The following SHROOM3 variants were observed in gnomAD, a reference collection of about 807,000 sequenced individuals.
The protein encoded by SHROOM3 is shroom family member 3, also known as protein Shroom3.
A neutral mutation model predicts 138.6 loss-of-function variants in SHROOM3; 47 were observed. The ratio of observed to expected loss-of-function variants is 0.34; its 90% CI spans 0.27 to 0.43. The LOEUF (loss-of-function observed/expected upper bound fraction) is 0.43, where lower values mean the gene tolerates loss of function less well. Ranked by LOEUF, SHROOM3 falls within the 20% of genes least tolerant of loss-of-function variation. The probability of loss-of-function intolerance (pLI) is 1.00; values close to 1 mark genes in which losing one functional copy is unlikely to be tolerated. For synonymous variants in SHROOM3, 1,062 were observed against 1,063.3 expected (o/e 1.00, Z 0.02); for missense variants, 2,491 against 2,596.5 (o/e 0.96, Z 0.88).
chr4:76,566,476 A>C (rs545572105), intron 2 of SHROOM3, among the ~76,000 whole-genome samples: 11 of 152,222 alleles, frequency 7.2e-5, no homozygotes, highest in Non-Finnish European at 8.8e-5. Context: ...TAAATCCCCC[A>C]TTTCTTGAGA....
At chr4:76,579,446 C>T (rs1734004570) in intron 2 of SHROOM3, among the ~76,000 whole-genome samples, 2 of 152,316 alleles carry the variant, frequency 1.3e-5, no homozygotes, top group Middle Eastern at 3.4e-3. Flanking sequence ...CCAGCCTGGG[C>T]AACAGAGTGA....
intron 1 of SHROOM3, among the ~76,000 whole-genome samples, chr4:76,442,679 G>T (rs1730720016): frequency 6.6e-6 from 1 of 152,018 alleles, no homozygotes; most frequent in Non-Finnish European, 1.5e-5. Context: ...AAAGTGCTGG[G>T]ATTACAGGCG....
In SHROOM3 at chr4:76,573,381, C is replaced by CAATAAT. The variant is rs6148528; in HGVS notation, c.323+17661_323+17666dup. ...TTACAAACCCACTTCTGCTGGTTGG[C>CAATAAT]AATAATAATAATAATAATAATAATA... On this transcript the variant is annotated intron_variant, in intron 2 of 10. Coordinates refer to ENST00000296043, the MANE Select transcript of SHROOM3 (RefSeq NM_020859.4). Among the ~76,000 whole-genome samples the CAATAAT allele has an allele frequency of 6.4e-4, 90 of 141,044 alleles. 1 individual carries two copies. The highest frequency in any genetic ancestry group is 3.7e-3 in the Middle Eastern group (1 of 272). 92.5% of individuals were successfully genotyped at this position (141,044 alleles called of 152,430 possible).
intron 8 of SHROOM3, chr4:76,758,265 G>C (rs1395135225): frequency 6.6e-6 from 1 of 152,170 alleles, no homozygotes; most frequent in Non-Finnish European, 1.5e-5. Flanking sequence ...GATTTTTGTA[G>C]GTGTGCCAGT....
chr4:76,483,972 T>G (rs972751075), intron 1 of SHROOM3, among the ~76,000 whole-genome samples: 3 of 151,408 alleles, frequency 2.0e-5, no homozygotes, highest in Non-Finnish European at 2.9e-5. Context: ...GAGGGGAATA[T>G]TACTTACTGG....
intron 2 of SHROOM3, among the ~76,000 whole-genome samples, chr4:76,686,577 T>C (rs1262348733): frequency 6.6e-6 from 1 of 152,196 alleles, no homozygotes; most frequent in Non-Finnish European, 1.5e-5. Flanking sequence ...ATCTGAAATT[T>C]CTAGAGCTTT....
intron 1 of SHROOM3, among the ~76,000 whole-genome samples, chr4:76,478,044 G>C (rs1372610221): frequency 6.6e-6 from 1 of 152,114 alleles, no homozygotes; most frequent in Non-Finnish European, 1.5e-5. Context: ...CACAAAACTG[G>C]GCGGTTGTTT....
At chr4:76,522,151 C>CTT (rs35818041) in intron 1 of SHROOM3, among the ~76,000 whole-genome samples, 1 of 140,498 alleles carries the variant, frequency 7.1e-6, no homozygotes, top group African/African-American at 2.6e-5. Context: ...CTGATTGGAT[C>CTT]TTTTTTTTTT....
chr4:76,484,733 A>G (rs1731693320), intron 1 of SHROOM3, among the ~76,000 whole-genome samples: 3 of 152,190 alleles, frequency 2.0e-5, no homozygotes, highest in Admixed American at 2.0e-4. Flanking sequence ...TTGGAGTCTC[A>G]ACATCTATTA....
chr4:76,758,860 C>A (rs761610750), intron 8 of SHROOM3, among the ~76,000 whole-genome samples: 5 of 152,142 alleles, frequency 3.3e-5, no homozygotes, highest in African/African-American at 4.8e-5. Context: ...GAATTATAGG[C>A]TGAAAGGCAA....
chr4:76,567,160 T>TG (rs751934061), intron 2 of SHROOM3, among the ~76,000 whole-genome samples: 4 of 152,224 alleles, frequency 2.6e-5, no homozygotes, highest in Non-Finnish European at 5.9e-5. Context: ...GACAGTTGCT[T>TG]GGTTAGTGTG....
At chr4:76,473,251 A>G (rs1731416906) in intron 1 of SHROOM3, among the ~76,000 whole-genome samples, 1 of 152,234 alleles carries the variant, frequency 6.6e-6, no homozygotes, top group South Asian at 2.1e-4. Context: ...GCAAGAAAAT[A>G]TTTGTAAATT....
chr4:76,745,289 T>C (rs1721399685), intron 5 of SHROOM3, among the ~76,000 whole-genome samples: 1 of 152,318 alleles, frequency 6.6e-6, no homozygotes, highest in Admixed American at 6.5e-5. Flanking sequence ...GTTCATTGCA[T>C]AGATTTAAAA....
intron 1 of SHROOM3, among the ~76,000 whole-genome samples, chr4:76,541,455 G>A (rs1733095444): frequency 6.6e-6 from 1 of 152,212 alleles, no homozygotes. Flanking sequence ...CTGGGGGCCA[G>A]CTAGCCTTGG....
At chr4:76,666,597 A>AT (rs1355674291) in intron 2 of SHROOM3, among the ~76,000 whole-genome samples, 1 of 152,136 alleles carries the variant, frequency 6.6e-6, no homozygotes, top group Non-Finnish European at 1.5e-5. Context: ...TCTTTATAAC[A>AT]TTTTTTTAAA....
intron 1 of SHROOM3, among the ~76,000 whole-genome samples, chr4:76,554,446 G>T (rs1389572777): frequency 7.2e-6 from 1 of 138,386 alleles, no homozygotes; most frequent in Non-Finnish European, 1.5e-5. Context: ...TTGAGACGGA[G>T]TCTCACTCTG....
At chr4:76,677,541 T>C (rs916566679) in intron 2 of SHROOM3, among the ~76,000 whole-genome samples, 2 of 152,206 alleles carry the variant, frequency 1.3e-5, no homozygotes, top group Admixed American at 1.3e-4. Flanking sequence ...AAATACATGG[T>C]GGCTGCTTCT....
intron 1 of SHROOM3, among the ~76,000 whole-genome samples, chr4:76,541,903 G>A (rs746815212): frequency 4.6e-5 from 7 of 152,080 alleles, no homozygotes; most frequent in Non-Finnish European, 1.0e-4. Flanking sequence ...TACTAAAACG[G>A]GATGGAGCAG....
intron 1 of SHROOM3, among the ~76,000 whole-genome samples, chr4:76,467,235 T>C (rs894181784): frequency 6.6e-6 from 1 of 151,940 alleles, no homozygotes; most frequent in Non-Finnish European, 1.5e-5. Context: ...TTGGTAGAGA[T>C]GGGGTTTCAC....
Sources: allele counts gnomAD v4.1 joint callset (sites outside exome capture counted in the v4.1 genomes callset), GRCh38; gene constraint gnomAD v4.1.1; transcripts MANE v1.5; gene names NCBI Gene and HGNC (gene_info 2026-07-23, HGNC 2026-07-21).